Variants in SAMD3 observed in about 807,000 individuals in gnomAD.
The protein encoded by SAMD3 is sterile alpha motif domain containing 3.
In SAMD3, 63 loss-of-function variants were observed where a neutral mutation model predicts 58.5. The ratio of observed to expected loss-of-function variants is 1.08; its 90% CI spans 0.88 to 1.33. The LOEUF is 1.33. SAMD3 is among the 40% of genes most tolerant of loss of function. The probability of loss-of-function intolerance (pLI) is 0.00; values close to 1 mark genes in which losing one functional copy is unlikely to be tolerated. For missense variants in SAMD3, 604 were observed against 608.4 expected (o/e 0.99, Z 0.08); for synonymous variants, 220 against 210.3 (o/e 1.05, Z -0.40).
At chr6:130,340,360 A>G (rs1396992944) in intron 1 of SAMD3, among the ~76,000 whole-genome samples, 1 of 152,132 alleles carries the variant, frequency 6.6e-6, no homozygotes. Context: ...CTAGTATAGC[A>G]TCTTCGAATT....
chr6:130,250,339 T>C (rs901115014), intron 2 of SAMD3, among the ~76,000 whole-genome samples: 5 of 152,132 alleles, frequency 3.3e-5, no homozygotes, highest in Non-Finnish European at 5.9e-5. Flanking sequence ...GCCCTAGTGC[T>C]AAAGGACTAG....
At chr6:130,203,828 G>C (rs1794846552) in intron 5 of SAMD3, among the ~76,000 whole-genome samples, 1 of 152,182 alleles carries the variant, frequency 6.6e-6, no homozygotes, top group African/African-American at 2.4e-5. Context: ...CTGCATTAAT[G>C]AACCCATAAC....
upstream of SAMD3, among the ~76,000 whole-genome samples, chr6:130,224,352 CATGG>C (rs1796325622): frequency 6.6e-6 from 1 of 151,928 alleles, no homozygotes; most frequent in Non-Finnish European, 1.5e-5. Context: ...CACTTACGTC[CATGG>C]GTACAGGCCT....
chr6:130,147,341 G>T (rs1005597967), intron 9 of SAMD3, among the ~76,000 whole-genome samples: 1 of 152,180 alleles, frequency 6.6e-6, no homozygotes, highest in African/African-American at 2.4e-5. Context: ...AGGCATAGTG[G>T]CTTTGTTACC....
chr6:130,330,235 G>A (rs1182535409), intron 1 of SAMD3, among the ~76,000 whole-genome samples: 2 of 151,980 alleles, frequency 1.3e-5, no homozygotes, highest in Admixed American at 6.6e-5. Flanking sequence ...AATTTGAGGT[G>A]GATAACAAAG....
intron 2 of SAMD3, among the ~76,000 whole-genome samples, chr6:130,274,805 A>G (rs1774716861): frequency 6.8e-6 from 1 of 147,174 alleles, no homozygotes; most frequent in African/African-American, 2.5e-5. Flanking sequence ...GTGATTTCCT[A>G]TTCCAGTATA....
At chr6:130,183,073 G>A (rs1010557802) in intron 7 of SAMD3, 1 of 300,252 alleles carries the variant, frequency 3.3e-6, no homozygotes, top group Non-Finnish European at 6.5e-6. Context: ...GAAGACAGTG[G>A]TCTTTGAAAT....
At chr6:130,247,146 T>C (rs1773574447) in intron 2 of SAMD3, among the ~76,000 whole-genome samples, 1 of 152,084 alleles carries the variant, frequency 6.6e-6, no homozygotes, top group African/African-American at 2.4e-5. Context: ...AGATTATTGT[T>C]GTCATGTCAA....
In SAMD3 at chr6:130,261,765, G is replaced by A. The variant is rs531684993; in HGVS notation, c.-187-38952C>T. The stretch of plus-strand genomic sequence containing the variant: ...GTAAAATAGACCAGCCAGCATTAGA[G>A]GTGGGTTGGCCATCAGAAGGAAGCC... On this transcript the variant is annotated intron_variant, in intron 2 of 13. Transcript: ENST00000368134. Among the ~76,000 whole-genome samples, 7 of 152,292 alleles carry A rather than the reference G, an allele frequency of 4.6e-5. No homozygotes were observed. In the South Asian group the frequency reaches 1.5e-3, roughly 32 times the overall value.
intron 9 of SAMD3, among the ~76,000 whole-genome samples, chr6:130,149,371 C>A (rs71571002): frequency 0.038 from 5,740 of 152,294 alleles, 148 homozygotes; most frequent in Non-Finnish European, 0.059. Context: ...AATCCCATTA[C>A]TGGGTATATA....
chr6:130,246,567 G>T (rs1408375053), intron 2 of SAMD3, among the ~76,000 whole-genome samples: 1 of 151,766 alleles, frequency 6.6e-6, no homozygotes, highest in African/African-American at 2.4e-5. Flanking sequence ...TGTTGATGCT[G>T]GAAAACGGTA....
chr6:130,194,204 C>T (rs1191041622), intron 5 of SAMD3, among the ~76,000 whole-genome samples: 2 of 152,252 alleles, frequency 1.3e-5, no homozygotes, highest in East Asian at 1.9e-4. Flanking sequence ...AAGGTTAATG[C>T]TCCTTTTTCT....
chr6:130,312,499 C>G (rs1270981407), intron 2 of SAMD3, among the ~76,000 whole-genome samples: 1 of 152,164 alleles, frequency 6.6e-6, no homozygotes, highest in Non-Finnish European at 1.5e-5. Context: ...ATCTATGGGT[C>G]CAGGGCCAAT....
chr6:130,175,451 T>C (rs946112166), intron 8 of SAMD3, among the ~76,000 whole-genome samples: 1 of 152,132 alleles, frequency 6.6e-6, no homozygotes, highest in Non-Finnish European at 1.5e-5. Flanking sequence ...CCCTGAAACC[T>C]GGAGACCAGA....
intron 2 of SAMD3, among the ~76,000 whole-genome samples, chr6:130,245,589 C>G (rs910843146): frequency 6.6e-6 from 1 of 152,224 alleles, no homozygotes; most frequent in African/African-American, 2.4e-5. Flanking sequence ...TAAAGGAAAA[C>G]TCTCTGAGTG....
upstream of SAMD3, among the ~76,000 whole-genome samples, chr6:130,225,777 T>G (rs79639461): frequency 0.043 from 6,604 of 152,254 alleles, 469 homozygotes; most frequent in African/African-American, 0.15. Context: ...TATGAGAAAA[T>G]TCAGTATTTC....
At chr6:130,148,199 A>G (rs919793659) in intron 9 of SAMD3, among the ~76,000 whole-genome samples, 3 of 152,142 alleles carry the variant, frequency 2.0e-5, no homozygotes, top group Non-Finnish European at 1.5e-5. Flanking sequence ...TTCTTTCTAC[A>G]TGGATTAGTT....
Position 130,154,874 on chromosome 6 carries a change from G to A in SAMD3, c.974C>T (p.Pro325Leu). Reference sequence around the variant, plus strand: ...AAACAGTTTAAGAATGTCCTTCAGAGGTGTTCGGCTGCCAATCATCTTTCT... The same window carrying A: ...AAACAGTTTAAGAATGTCCTTCAGAAGTGTTCGGCTGCCAATCATCTTTCT... ...IRRKMIGSRT[P>L]LKDILKLFPF... is the part of the protein sequence containing the mutation. Residue 325 changes from proline (P) to leucine (L), a missense_variant, in exon 9 of 12, where the codon CCT (proline) becomes CTT (leucine). Physicochemically the swap from Pro to Leu is moderately conservative, Grantham distance 98 (BLOSUM62 -3). Coordinates refer to ENST00000439090, the MANE Select transcript of SAMD3 (RefSeq NM_001017373.4). 1.2e-6 allele frequency: 2 copies of A among 1,613,298 alleles called. No homozygotes were observed. The highest frequency in any genetic ancestry group is 1.7e-4 in the Middle Eastern group (1 of 6,054).
intron 2 of SAMD3, among the ~76,000 whole-genome samples, chr6:130,267,184 C>T (rs987254560): frequency 6.6e-6 from 1 of 152,146 alleles, no homozygotes; most frequent in Non-Finnish European, 1.5e-5. Context: ...TATAACAAAA[C>T]TGGCACATGT....
Sources: allele counts gnomAD v4.1 joint callset (sites outside exome capture counted in the v4.1 genomes callset), GRCh38; gene constraint gnomAD v4.1.1; transcripts MANE v1.5; gene names NCBI Gene and HGNC (gene_info 2026-07-23, HGNC 2026-07-21).